DTHD1: variants seen among roughly 807,000 people sequenced by gnomAD.
DTHD1 encodes the protein death domain-containing protein 1.
DTHD1 carries 59 observed loss-of-function variants against 74.8 expected under a neutral mutation model. The observed-to-expected ratio is 0.79, with a 90% CI of 0.64 to 0.98. The LOEUF is 0.98. DTHD1 is among the 50% of genes least tolerant of loss of function. The probability of loss-of-function intolerance (pLI) is 0.00; values close to 1 mark genes in which losing one functional copy is unlikely to be tolerated. For synonymous variants in DTHD1, 365 were observed against 371.1 expected (o/e 0.98, Z 0.19); for missense variants, 1,051 against 1,065.4 (o/e 0.99, Z 0.19).
rs917414067 is a variant in DTHD1, at chr4:36,281,923, C to T, written c.165C>T (p.Ser55=). 1.0e-5 allele frequency: 14 copies of T among 1,338,392 alleles called. No homozygotes were observed. The African/African-American group carries it at 1.9e-4, about 19-fold the overall frequency. The allele number at this position is 1,338,392 out of a possible 1,614,324, so 82.9% of individuals were successfully genotyped here. The change falls in exon 1 of 10, where the codon AGC becomes AGT. Residue 55 remains serine, a synonymous_variant. Transcript: ENST00000639862. Reference sequence around the variant, plus strand: ...TGGTCTTTCTGGGTCAGGAACTCAGCAGTGCCCTTCACCAGCTGCTGGAGC... The same window carrying T: ...TGGTCTTTCTGGGTCAGGAACTCAGTAGTGCCCTTCACCAGCTGCTGGAGC... ...ATVVFLGQEL[S]SALHQLLEHT...
chr4:36,306,149 C>A, intron 5 of DTHD1, 42 bp from the exon 6 acceptor site: 2 of 1,487,662 alleles, frequency 1.3e-6, no homozygotes, highest in Non-Finnish European at 1.8e-6. Context: ...AGATTTATAT[C>A]ATGTAAATTG....
chr4:36,320,292 C>T (rs1757972826), intron 8 of DTHD1, among the ~76,000 whole-genome samples: 1 of 152,148 alleles, frequency 6.6e-6, no homozygotes, highest in Non-Finnish European at 1.5e-5. Context: ...ATTGAGAATG[C>T]ATGCAACGAA....
intron 2 of DTHD1, among the ~76,000 whole-genome samples, chr4:36,288,799 CAT>C (rs1755878142): frequency 6.6e-6 from 1 of 152,184 alleles, no homozygotes; most frequent in African/African-American, 2.4e-5. Flanking sequence ...AGTTGAGAAA[CAT>C]AACTCCTGGA....
intron 1 of DTHD1, among the ~76,000 whole-genome samples, chr4:36,282,533 A>T (rs960632197): frequency 6.6e-6 from 1 of 152,142 alleles, no homozygotes; most frequent in African/African-American, 2.4e-5. Flanking sequence ...GTGGGTTGGG[A>T]TAGGGAATTG....
intron 5 of DTHD1, among the ~76,000 whole-genome samples, chr4:36,298,901 G>C (rs1455817126): frequency 1.3e-5 from 2 of 152,086 alleles, no homozygotes; most frequent in African/African-American, 4.8e-5. Context: ...AGATTAAGTT[G>C]TTCAAATGTA....
chr4:36,331,543 T>C (rs530772275), intron 8 of DTHD1, among the ~76,000 whole-genome samples: 1 of 152,318 alleles, frequency 6.6e-6, no homozygotes, highest in East Asian at 1.9e-4. Context: ...CTTTTACTTG[T>C]ATGTCTTTTA....
chr4:36,290,402 GC>G lies in DTHD1; in HGVS notation c.922del (p.Gln308LysfsTer16). On this transcript the variant is annotated frameshift_variant, in exon 3 of 10. Coordinates refer to ENST00000639862, the MANE Select transcript of DTHD1 (RefSeq NM_001170700.3). LOFTEE classifies it high-confidence loss of function. ...EYLDVLSDVT[G>X]PQVSCYITAP... ...CTTGATGTGCTGAGTGATGTTACTG[GC>G]CCCCAAGTGTCTTGTTATATTACAG... 6.4e-7 allele frequency: 1 copy of G among 1,551,192 alleles called. No homozygotes were observed. The highest frequency in any genetic ancestry group is 8.7e-7 in the Non-Finnish European group (1 of 1,146,498).
At position 36,308,414 on chromosome 4, in the gene DTHD1, T is replaced by G; in HGVS notation, c.2016T>G (p.Pro672=). The change falls in exon 7 of 10, where the codon CCT becomes CCG. Residue 672 remains proline, a synonymous_variant. Transcript: ENST00000639862. ...KDLHLEGFGG[P]PEPSRHFQVR... Reference sequence around the variant, plus strand: ...TGCACTTGGAAGGGTTTGGAGGACCTCCAGAGCCATCTCGTCATTTCCAAG... The same window carrying G: ...TGCACTTGGAAGGGTTTGGAGGACCGCCAGAGCCATCTCGTCATTTCCAAG... 6.4e-7 allele frequency: 1 copy of G among 1,551,882 alleles called. No individual in the cohort carries two copies. The highest frequency in any genetic ancestry group is 8.7e-7 in the Non-Finnish European group (1 of 1,147,028).
chr4:36,297,871 A>G (rs1157850001), intron 5 of DTHD1, among the ~76,000 whole-genome samples: 1 of 152,020 alleles, frequency 6.6e-6, no homozygotes, highest in African/African-American at 2.4e-5. Context: ...CCTTGAGTCC[A>G]GATCTAGGGG....
At chr4:36,330,381 A>G (rs7656692) in intron 8 of DTHD1, among the ~76,000 whole-genome samples, 111,090 of 152,152 alleles carry the variant, frequency 0.73, 41,352 homozygotes, top group African/African-American at 0.86. Context: ...TTTAAATGTC[A>G]TATTTGTCAT....
intron 5 of DTHD1, 142 bp from the exon 6 acceptor site, chr4:36,306,049 C>T (rs1757029085): frequency 2.5e-6 from 2 of 809,634 alleles, no homozygotes; most frequent in Non-Finnish European, 3.8e-6. Context: ...TCTCTGTGTT[C>T]CTGGTGCAAA....
chr4:36,331,458 G>A (rs983392092), intron 8 of DTHD1, among the ~76,000 whole-genome samples: 1 of 152,098 alleles, frequency 6.6e-6, no homozygotes, highest in Non-Finnish European at 1.5e-5. Flanking sequence ...AATGATTCTG[G>A]TAAAAATCCA....
At chr4:36,318,108 T>C (rs535313617) in intron 8 of DTHD1, among the ~76,000 whole-genome samples, 2 of 152,380 alleles carry the variant, frequency 1.3e-5, no homozygotes, top group African/African-American at 4.8e-5. Flanking sequence ...GTTCTTATTT[T>C]ATGGGAAACT....
intron 2 of DTHD1, among the ~76,000 whole-genome samples, chr4:36,289,713 C>G (rs1235500788): frequency 6.6e-6 from 1 of 151,980 alleles, no homozygotes; most frequent in Non-Finnish European, 1.5e-5. Context: ...GAATTCAAAT[C>G]TATAACTCTA....
In DTHD1 at chr4:36,284,326, C is replaced by G; in HGVS notation, c.622C>G (p.Gln208Glu). 1 of 1,537,066 alleles carries G rather than the reference C, an allele frequency of 6.5e-7. No homozygotes were observed. Among genetic ancestry groups the G allele is most frequent in the East Asian group, 2.4e-5 (1 of 40,904 alleles). Residue 208 changes from glutamine (Q) to glutamate (E), a missense_variant, in exon 2 of 10, where the codon CAG becomes GAG. By Grantham distance (29) the Gln-to-Glu change is conservative. Transcript: ENST00000639862. ...NGRVLGQEES[Q>E]NKMFPDNAEN... ...ACGTGTACTGGGGCAAGAAGAGTCA[C>G]AGAATAAAATGTTCCCAGATAATGC... is the stretch of plus-strand genomic sequence containing the variant.
chr4:36,324,990 A>T (rs946194612), intron 8 of DTHD1, among the ~76,000 whole-genome samples: 3 of 152,128 alleles, frequency 2.0e-5, no homozygotes, highest in African/African-American at 7.2e-5. Flanking sequence ...CACAAGAGAG[A>T]TGGCATGAGT....
rs1420932466 is a variant in DTHD1, at chr4:36,316,325, G to A, written c.2179G>A (p.Val727Met). 3.9e-6 allele frequency: 6 copies of A among 1,551,930 alleles called. No homozygotes were observed. The highest frequency in any genetic ancestry group is 2.0e-5 in the Admixed American group (1 of 50,982). The change falls in exon 8 of 10, where the codon GTG (valine) becomes ATG (methionine). Residue 727 changes from valine (V) to methionine (M), a missense_variant. Val to Met is a conservative substitution (Grantham distance 21). Transcript: ENST00000639862. ...KPRLELQIKE[V>M]DEFGNYSCPH... ...TAGGCTGGAACTCCAAATCAAAGAAGTGGACGAATTTGGAAACTATAGTTG... is the reference window on the plus strand; with the variant it reads ...TAGGCTGGAACTCCAAATCAAAGAAATGGACGAATTTGGAAACTATAGTTG...
chr4:36,283,629 T>A (rs1017085565), intron 1 of DTHD1, among the ~76,000 whole-genome samples: 43 of 152,212 alleles, frequency 2.8e-4, no homozygotes, highest in African/African-American at 9.9e-4. Flanking sequence ...GTTCTCAAAA[T>A]CATACCAAAT....
chr4:36,314,038 C>A (rs974500438), intron 7 of DTHD1, among the ~76,000 whole-genome samples: 5 of 151,260 alleles, frequency 3.3e-5, no homozygotes, highest in African/African-American at 1.2e-4. Flanking sequence ...AGAAGACAAA[C>A]CCTGGCTACT....
Sources: gnomAD v4.1 joint callset for allele counts (sites outside exome capture counted in the v4.1 genomes callset) on GRCh38, gnomAD v4.1.1 for gene constraint, MANE v1.5 for transcripts, NCBI Gene and HGNC (gene_info 2026-07-23, HGNC 2026-07-21) for gene names.